GNAO1: variants seen among roughly 807,000 people sequenced by gnomAD.
The protein encoded by GNAO1 is G protein subunit alpha o1.
For synonymous variants in GNAO1, 164 were observed against 180.7 expected (o/e 0.91, Z 0.74); for missense variants, 166 against 478.7 (o/e 0.35, Z 6.10).
chr16:56,346,146 C>G (rs1448224949), intron 6 of GNAO1: 7 of 985,136 alleles, frequency 7.1e-6, no homozygotes, highest in Non-Finnish European at 8.4e-6. Context: ...CCCACCCTAG[C>G]CTGGGGGTGG....
intron 3 of GNAO1, among the ~76,000 whole-genome samples, chr16:56,290,608 G>A (rs1361631052): frequency 6.6e-6 from 1 of 152,208 alleles, no homozygotes; most frequent in Non-Finnish European, 1.5e-5. Flanking sequence ...TTCACCTGCT[G>A]AATTGAAACC....
intron 2 of GNAO1, among the ~76,000 whole-genome samples, chr16:56,214,452 G>A (rs1401113084): frequency 6.6e-6 from 1 of 152,128 alleles, no homozygotes; most frequent in Non-Finnish European, 1.5e-5. Flanking sequence ...AAGTTTAGTG[G>A]TATACAAATA....
Position 56,191,973 on chromosome 16 carries a change from C to G in GNAO1, c.-263C>G. On this transcript the variant is annotated 5_prime_UTR_variant, in exon 1 of 9. Coordinates refer to ENST00000262493, the MANE Select transcript of GNAO1 (RefSeq NM_020988.3). This position sits in a 1 kb window ranked among gnomAD's most constrained non-coding sequence, Gnocchi z 4.7. Reference sequence around the variant, plus strand: ...CCGCGGGCGCCTCCTCCCTTGGCTCCGGAGCCCCAGACCCCGGCCACCCTC... The same window carrying G: ...CCGCGGGCGCCTCCTCCCTTGGCTCGGGAGCCCCAGACCCCGGCCACCCTC... 1 of 524,210 alleles carries G rather than the reference C, an allele frequency of 1.9e-6. No homozygotes were observed. Among genetic ancestry groups the G allele is most frequent in the Non-Finnish European group, 3.4e-6 (1 of 296,620 alleles). 32.5% of individuals were successfully genotyped at this position (524,210 alleles called of 1,614,324 possible).
In GNAO1 at chr16:56,265,959, C is replaced by T. The variant is rs114192893; in HGVS notation, c.162-9972C>T. 6.0e-3 allele frequency among the ~76,000 whole-genome samples: 906 copies of T among 152,192 alleles called. 11 individuals are homozygous for T. Among genetic ancestry groups the T allele is most frequent in the African/African-American group, 0.021 (867 of 41,506 alleles). On this transcript the variant is annotated intron_variant, in intron 2 of 8. Coordinates refer to ENST00000262493, the MANE Select transcript of GNAO1 (RefSeq NM_020988.3). ...CATCATTAGAACACTAAAGGTGCCCCGGGGCCTTTGCTCTTGCTGCTCCCT... is the reference window on the plus strand; with the variant it reads ...CATCATTAGAACACTAAAGGTGCCCTGGGGCCTTTGCTCTTGCTGCTCCCT...
At chr16:56,255,150 G>GTTCTTTATTTC (rs1383580768) in intron 2 of GNAO1, among the ~76,000 whole-genome samples, 2 of 152,136 alleles carry the variant, frequency 1.3e-5, no homozygotes, top group East Asian at 3.9e-4. Flanking sequence ...TCTATTTTCA[G>GTTCTTTATTTC]AGTCCTTCTT....
intron 2 of GNAO1, among the ~76,000 whole-genome samples, chr16:56,269,016 G>A (rs575203992): frequency 2.8e-4 from 43 of 152,304 alleles, no homozygotes; most frequent in African/African-American, 1.0e-3. Flanking sequence ...TCTCCCTGAC[G>A]GCTGGAAACC....
At chr16:56,219,176 C>T (rs2036462256) in intron 2 of GNAO1, among the ~76,000 whole-genome samples, 1 of 152,216 alleles carries the variant, frequency 6.6e-6, no homozygotes, top group Non-Finnish European at 1.5e-5. Context: ...CGGGAGTGTA[C>T]TGGTGCCCAA....
intron 3 of GNAO1, among the ~76,000 whole-genome samples, chr16:56,288,733 G>T (rs921597038): frequency 5.3e-5 from 8 of 152,138 alleles, no homozygotes; most frequent in Non-Finnish European, 1.2e-4. Context: ...TCAGCAGCAG[G>T]GGTGGAGGCG....
At chr16:56,229,705 T>C (rs2036570251) in intron 2 of GNAO1, among the ~76,000 whole-genome samples, 1 of 152,176 alleles carries the variant, frequency 6.6e-6, no homozygotes, top group Non-Finnish European at 1.5e-5. Context: ...TAAGTTTCAT[T>C]GTCTCCATTT....
At chr16:56,345,237 G>T in intron 6 of GNAO1, 1 of 985,504 alleles carries the variant, frequency 1.0e-6, no homozygotes, top group South Asian at 4.7e-5. Flanking sequence ...TGAGGCCAAC[G>T]CCCACACCCA....
At chr16:56,295,035 A>G (rs764973723) in intron 3 of GNAO1, among the ~76,000 whole-genome samples, 79 of 152,054 alleles carry the variant, frequency 5.2e-4, no homozygotes, top group Non-Finnish European at 9.6e-4. Flanking sequence ...TATATGTACT[A>G]TTTCATATTT....
At chr16:56,243,910 TG>T (rs1192572811) in intron 2 of GNAO1, among the ~76,000 whole-genome samples, 1 of 152,220 alleles carries the variant, frequency 6.6e-6, no homozygotes, top group South Asian at 2.1e-4. Context: ...AGGTAGGCCC[TG>T]TTATACAAAT....
chr16:56,327,661 G>T (rs1057416388), intron 3 of GNAO1, among the ~76,000 whole-genome samples: 1 of 152,182 alleles, frequency 6.6e-6, no homozygotes, highest in Admixed American at 6.5e-5. Context: ...TCTTTGAAAA[G>T]GCGACCCCAC....
At chr16:56,244,841 C>T (rs1475563431) in intron 2 of GNAO1, among the ~76,000 whole-genome samples, 1 of 152,164 alleles carries the variant, frequency 6.6e-6, no homozygotes, top group Non-Finnish European at 1.5e-5. Context: ...AGTCCACCAC[C>T]GCTTCTGCTC....
chr16:56,259,781 G>T (rs1282480805), intron 2 of GNAO1, among the ~76,000 whole-genome samples: 1 of 152,224 alleles, frequency 6.6e-6, no homozygotes, highest in African/African-American at 2.4e-5. Context: ...CTCAGGGCCA[G>T]TGTGACAACA....
chr16:56,237,477 C>T (rs1283721794), intron 2 of GNAO1, among the ~76,000 whole-genome samples: 2 of 152,116 alleles, frequency 1.3e-5, no homozygotes, highest in African/African-American at 4.8e-5. Flanking sequence ...GAGGAGAAAC[C>T]ATGCGTTCTG....
intron 3 of GNAO1, chr16:56,302,265 C>G (rs1042068689): frequency 6.6e-6 from 1 of 152,602 alleles, no homozygotes; most frequent in Non-Finnish European, 1.5e-5. Context: ...CACCACCCAC[C>G]TCCTCTCTAG....
At position 56,282,803 on chromosome 16, in the gene GNAO1, C is replaced by A. The variant is rs144124701; in HGVS notation, c.303+6731C>A. The stretch of plus-strand genomic sequence containing the variant: ...TATCTTGTGGGGCAGGCTTTGAGGT[C>A]ATACGTAGATCCAGAGATTCTGTGA... On this transcript the variant is annotated intron_variant, in intron 3 of 8. Transcript: ENST00000262493. Among the ~76,000 whole-genome samples, 48 of 152,332 alleles carry A rather than the reference C, an allele frequency of 3.2e-4. No individual in the cohort carries two copies. In the East Asian group the frequency reaches 8.1e-3, roughly 26 times the overall value.
intron 2 of GNAO1, among the ~76,000 whole-genome samples, chr16:56,254,484 C>T (rs371603299): frequency 2.0e-5 from 3 of 152,132 alleles, no homozygotes; most frequent in Middle Eastern, 3.2e-3. Context: ...TTAATTTTGA[C>T]ACTTCTCCCT....
Sources: allele counts gnomAD v4.1 joint callset (sites outside exome capture counted in the v4.1 genomes callset), GRCh38; gene constraint gnomAD v4.1.1; non-coding constraint Gnocchi (gnomAD v3.1); transcripts MANE v1.5; gene names NCBI Gene and HGNC (gene_info 2026-07-23, HGNC 2026-07-21).